EFHC2: variants seen among roughly 807,000 people sequenced by gnomAD.
EFHC2 encodes EF-hand domain containing 2.
In EFHC2, 18 loss-of-function variants were observed where a neutral mutation model predicts 52.7. That is an observed-to-expected ratio of 0.34 (90% CI 0.24 to 0.51). EFHC2 has a LOEUF of 0.51. Among genes scored for constraint, EFHC2 ranks in the 20% least tolerant of loss-of-function variants. The pLI is 0.97. For synonymous variants in EFHC2, 203 were observed against 204.1 expected (o/e 0.99, Z 0.04); for missense variants, 513 against 562.5 (o/e 0.91, Z 0.89).
At chrX:44,158,136 G>T (rs991232352) in intron 14 of EFHC2, among the ~76,000 whole-genome samples, 1 of 111,488 alleles carries the variant, frequency 9.0e-6, no homozygotes, top group Admixed American at 9.5e-5. Flanking sequence ...ACACTAGACT[G>T]GGAAGGTGTC....
rs774137888 is a variant in EFHC2 at position 44,326,636 on chromosome X, A to G, written c.43-13880T>C. Among the ~76,000 whole-genome samples the G allele has an allele frequency of 2.7e-5, 3 of 109,994 alleles. No individual in the cohort carries two copies. The East Asian group carries it at 8.5e-4, about 31-fold the overall frequency. On this transcript the variant is annotated intron_variant, in intron 1 of 14. Coordinates refer to ENST00000420999, the MANE Select transcript of EFHC2 (RefSeq NM_025184.4). ...CCTCATTAATAAATGAGATATGCAA[A>G]TTTTTTAATGCTCTTAATCCTCAGA...
rs763692352 is a variant in EFHC2, at chrX:44,205,264, C to T, written c.1751+24385G>A. Among the ~76,000 whole-genome samples the T allele has an allele frequency of 3.6e-5, 4 of 111,118 alleles. No individual in the cohort carries two copies. The East Asian group carries it at 8.5e-4, about 24-fold the overall frequency. ...ACAAAAGCACACATAAGTATAAAGC[C>T]GAGAGCCTTATGAAGCAACTACACA... is the stretch of plus-strand genomic sequence containing the variant. On this transcript the variant is annotated intron_variant, in intron 11 of 14. Coordinates refer to ENST00000420999, the MANE Select transcript of EFHC2 (RefSeq NM_025184.4).
chrX:44,237,834 T>C (rs895084221), intron 8 of EFHC2, among the ~76,000 whole-genome samples: 7 of 111,349 alleles, frequency 6.3e-5, no homozygotes, highest in Non-Finnish European at 1.3e-4. Context: ...CCTCCTTTTT[T>C]CCCCAAGCTC....
intron 2 of EFHC2, chrX:44,310,010 T>G: frequency 1.0e-6 from 1 of 975,748 alleles, no homozygotes; most frequent in South Asian, 1.9e-5. Context: ...AGCGGGCTTC[T>G]GTAATCTGAA....
chrX:44,263,770 T>A (rs1230700996), intron 3 of EFHC2, among the ~76,000 whole-genome samples: 1 of 112,271 alleles, frequency 8.9e-6, no homozygotes, highest in South Asian at 3.6e-4. Context: ...TGACAGTTTT[T>A]AAAATATATA....
intron 4 of EFHC2, among the ~76,000 whole-genome samples, chrX:44,260,119 T>C (rs2037526719): frequency 9.0e-6 from 1 of 111,073 alleles, no homozygotes; most frequent in African/African-American, 3.3e-5. Context: ...TTGTCTGTGG[T>C]GGGGAGCGGG....
chrX:44,308,293 G>A (rs2037920670), intron 2 of EFHC2, among the ~76,000 whole-genome samples: 2 of 110,976 alleles, frequency 1.8e-5, no homozygotes, highest in South Asian at 7.6e-4. Flanking sequence ...GTTTAAGGAT[G>A]ACTTGAAGTT....
chrX:44,164,028 C>T lies in EFHC2; in HGVS notation c.2043-1G>A. The T allele has an allele frequency of 1.9e-6, 2 of 1,067,642 alleles. No individual in the cohort carries two copies. Among genetic ancestry groups the T allele is most frequent in the Non-Finnish European group, 2.5e-6 (2 of 807,880 alleles). 88.0% of individuals were successfully genotyped at this position (1,067,642 alleles called of 1,213,427 possible). On this transcript the variant is annotated splice_acceptor_variant, in intron 13 of 14. Coordinates refer to ENST00000420999, the MANE Select transcript of EFHC2 (RefSeq NM_025184.4). LOFTEE classifies it high-confidence loss of function. ...TATTTGTTTTTCACTGTCTTCAAACCTGAAAATATAATTATAATATATAAT... is the reference window on the plus strand; with the variant it reads ...TATTTGTTTTTCACTGTCTTCAAACTTGAAAATATAATTATAATATATAAT...
intron 14 of EFHC2, among the ~76,000 whole-genome samples, chrX:44,156,590 G>A (rs900193739): frequency 8.0e-5 from 9 of 111,861 alleles, no homozygotes; most frequent in African/African-American, 2.3e-4. Flanking sequence ...TGCCAAGGCC[G>A]TATATCATCC....
At position 44,229,686 on chromosome X, in the gene EFHC2, A is replaced by T. The variant is rs769825859; in HGVS notation, c.1714T>A (p.Ser572Thr). The T allele has an allele frequency of 1.2e-5, 15 of 1,209,360 alleles. No individual in the cohort carries two copies. The highest frequency in any genetic ancestry group is 1.7e-5 in the Non-Finnish European group (15 of 894,809). The change falls in exon 11 of 15, where the codon TCT (serine) becomes ACT (threonine). Residue 572 changes from serine (S) to threonine (T), a missense_variant. Coordinates refer to ENST00000420999, the MANE Select transcript of EFHC2 (RefSeq NM_025184.4). Reference sequence around the variant, plus strand: ...TAATCCACCATATTTGTGTGCTTAGAGTCAGCAGCTTTAAATACCTGCTTG... The same window carrying T: ...TAATCCACCATATTTGTGTGCTTAGTGTCAGCAGCTTTAAATACCTGCTTG... ...ELKQVFKAAD[S>T]KHTNMVDYNT...
At chrX:44,288,428 A>C (rs1036435959) in intron 2 of EFHC2, among the ~76,000 whole-genome samples, 8 of 110,558 alleles carry the variant, frequency 7.2e-5, no homozygotes, top group African/African-American at 2.3e-4. Flanking sequence ...AAAAAAAAAA[A>C]CACACAAAGA....
chrX:44,250,612 T>G (rs1423479055), intron 4 of EFHC2, among the ~76,000 whole-genome samples, 167 bp from the exon 5 acceptor site: 2 of 105,930 alleles, frequency 1.9e-5, no homozygotes, highest in East Asian at 3.0e-4. Flanking sequence ...ACTGCTTGAG[T>G]TCAGGAGTTC....
intron 2 of EFHC2, chrX:44,310,585 T>A: frequency 3.2e-6 from 1 of 314,011 alleles, no homozygotes; most frequent in Non-Finnish European, 5.6e-6. Context: ...GTTGACTTGT[T>A]TTTGTTGAAC....
chrX:44,187,135 G>GTGTATATA (rs1556001678), intron 11 of EFHC2, among the ~76,000 whole-genome samples: 5 of 61,736 alleles, frequency 8.1e-5, no homozygotes, highest in African/African-American at 4.1e-4. Context: ...AAACAAAATG[G>GTGTATATA]TATATATATA....
chrX:44,232,450 G>A, intron 10 of EFHC2, 31 bp downstream of exon 10: 1 of 1,017,539 alleles, frequency 9.8e-7, no homozygotes, highest in Non-Finnish European at 1.3e-6. Flanking sequence ...GGGCTGAGAG[G>A]CAAGTCAAGA....
At chrX:44,258,714 G>A (rs7057510) in intron 4 of EFHC2, among the ~76,000 whole-genome samples, 7 of 109,658 alleles carry the variant, frequency 6.4e-5, no homozygotes, top group East Asian at 5.7e-4. Context: ...AAAATTAGCC[G>A]GGTGTGGTGG....
At chrX:44,317,661 G>A (rs1052089508) in intron 1 of EFHC2, among the ~76,000 whole-genome samples, 13 of 112,613 alleles carry the variant, frequency 1.2e-4, no homozygotes, top group African/African-American at 1.6e-4. Context: ...CGGTGCATGC[G>A]TATAGTCCCA....
At chrX:44,254,745 A>T (rs1195815137) in intron 4 of EFHC2, among the ~76,000 whole-genome samples, 1 of 112,143 alleles carries the variant, frequency 8.9e-6, no homozygotes, top group African/African-American at 3.3e-5. Flanking sequence ...AAGACAGGCC[A>T]ACATTCAAAT....
In EFHC2 at chrX:44,329,823, C is replaced by T. The variant is rs181995743; in HGVS notation, c.42+13724G>A. On this transcript the variant is annotated intron_variant, in intron 1 of 14. Coordinates refer to ENST00000420999, the MANE Select transcript of EFHC2 (RefSeq NM_025184.4). ...GTCCCCTTATGTTGCCCAGGCTGGTCCTGAACTCCTGGCCTCAAGCAATCC... is the reference window on the plus strand; with the variant it reads ...GTCCCCTTATGTTGCCCAGGCTGGTTCTGAACTCCTGGCCTCAAGCAATCC... 7.0e-3 allele frequency among the ~76,000 whole-genome samples: 769 copies of T among 109,272 alleles called. 15 individuals are homozygous for T. The highest frequency in any genetic ancestry group is 0.024 in the African/African-American group (718 of 30,015). 94.9% of individuals were successfully genotyped at this position (109,272 alleles called of 115,157 possible). A position where few individuals can be genotyped will look rare whatever the true frequency, so the allele number is the denominator to read the frequency against.
Sources: gnomAD v4.1 joint callset for allele counts (sites outside exome capture counted in the v4.1 genomes callset) on GRCh38, gnomAD v4.1.1 for gene constraint, MANE v1.5 for transcripts, NCBI Gene and HGNC (gene_info 2026-07-23, HGNC 2026-07-21) for gene names.